The following DLGAP1 variants were observed in gnomAD, a reference collection of about 807,000 sequenced individuals.
DLGAP1 encodes disks large-associated protein 1.
DLGAP1 carries 11 observed loss-of-function variants against 90.8 expected under a neutral mutation model. The ratio of observed to expected loss-of-function variants is 0.12; its 90% CI spans 0.08 to 0.20. The LOEUF (loss-of-function observed/expected upper bound fraction) is 0.20, where lower values mean the gene tolerates loss of function less well. DLGAP1 is among the 10% of genes least tolerant of loss of function. The probability of loss-of-function intolerance (pLI) is 1.00; values close to 1 mark genes in which losing one functional copy is unlikely to be tolerated. For missense variants in DLGAP1, 1,050 were observed against 1,333.8 expected, an observed-to-expected ratio of 0.79 and a Z score of 3.31; for synonymous variants, 558 against 540.7, an observed-to-expected ratio of 1.03 and a Z score of -0.44.
chr18:4,136,333 A>G (rs2076401144), intron 2 of DLGAP1, among the ~76,000 whole-genome samples: 1 of 152,160 alleles, frequency 6.6e-6, no homozygotes, highest in Non-Finnish European at 1.5e-5. Context: ...TGTTCTCCAC[A>G]GTGGTTGTAC....
chr18:3,720,902 A>AAAAAAAAAAAAAAAAAAAAAAAAAAAG (rs2061956302), intron 7 of DLGAP1, among the ~76,000 whole-genome samples: 1 of 148,824 alleles, frequency 6.7e-6, no homozygotes. Flanking sequence ...AAAAAAAAAA[A>AAAAAAAAAAAAAAAAAAAAAAAAAAAG]AAAAAAATTA....
At chr18:4,340,626 A>C (rs566411534) in intron 1 of DLGAP1, among the ~76,000 whole-genome samples, 152 of 152,102 alleles carry the variant, frequency 1.0e-3, no homozygotes, top group Middle Eastern at 6.8e-3. Context: ...GAAAAAAAAA[A>C]CCCAAAAAAC....
intron 2 of DLGAP1, among the ~76,000 whole-genome samples, chr18:4,044,712 G>A (rs1363058402): frequency 6.6e-6 from 1 of 152,132 alleles, no homozygotes; most frequent in African/African-American, 2.4e-5. Flanking sequence ...CTGCATTCTA[G>A]CCTGGGCAAC....
intron 2 of DLGAP1, among the ~76,000 whole-genome samples, chr18:4,108,106 G>A (rs1014276462): frequency 3.3e-5 from 5 of 152,272 alleles, no homozygotes; most frequent in African/African-American, 1.2e-4. Context: ...CCTGAAGTGG[G>A]CCATAGAAGC....
chr18:3,821,763 C>A (rs144519288), intron 4 of DLGAP1: 2 of 335,254 alleles, frequency 6.0e-6, no homozygotes, highest in African/African-American at 2.2e-5. Flanking sequence ...AGCATCCCAA[C>A]AGCGTTTTAG....
intron 7 of DLGAP1, among the ~76,000 whole-genome samples, chr18:3,687,929 C>G (rs578126322): frequency 1.5e-5 from 2 of 129,480 alleles, no homozygotes; most frequent in African/African-American, 5.9e-5. Flanking sequence ...TTTTTTGAGA[C>G]AGGGTCTCGC....
chr18:4,169,487 C>T (rs2076988367), intron 1 of DLGAP1, among the ~76,000 whole-genome samples: 1 of 152,150 alleles, frequency 6.6e-6, no homozygotes, highest in Admixed American at 6.6e-5. Context: ...TAACAAAATA[C>T]ATATGGCAAA....
intron 5 of DLGAP1, among the ~76,000 whole-genome samples, chr18:3,778,542 T>C (rs2065036877): frequency 6.6e-6 from 1 of 152,020 alleles, no homozygotes; most frequent in East Asian, 1.9e-4. Context: ...GGTTTCTCAA[T>C]AGTGTGGGCT....
intron 1 of DLGAP1, among the ~76,000 whole-genome samples, chr18:4,269,566 G>C (rs1023377762): frequency 1.3e-5 from 2 of 151,842 alleles, no homozygotes; most frequent in African/African-American, 4.8e-5. Context: ...GTGTTAGCCA[G>C]GATGGTCTCG....
chr18:3,659,241 A>G (rs1313760540), intron 7 of DLGAP1, among the ~76,000 whole-genome samples: 1 of 152,176 alleles, frequency 6.6e-6, no homozygotes, highest in Non-Finnish European at 1.5e-5. Context: ...AAATGTTTTT[A>G]AAAATTTTGA....
At chr18:3,921,053 A>C (rs1050374406) in intron 3 of DLGAP1, among the ~76,000 whole-genome samples, 17 of 152,224 alleles carry the variant, frequency 1.1e-4, no homozygotes, top group African/African-American at 3.9e-4. Flanking sequence ...TTATTTTTCC[A>C]ACATAGTAAT....
chr18:3,593,674 G>A (rs1425890804), intron 7 of DLGAP1: 1 of 148,812 alleles, frequency 6.7e-6, no homozygotes, highest in Non-Finnish European at 1.5e-5. Flanking sequence ...GTAGTTGCTA[G>A]TATTCCAGAC....
chr18:3,643,499 T>TA (rs1316576338), intron 7 of DLGAP1, among the ~76,000 whole-genome samples: 1 of 151,734 alleles, frequency 6.6e-6, no homozygotes, highest in Non-Finnish European at 1.5e-5. Flanking sequence ...TCGTCTCTAC[T>TA]AAAAATACAA....
At chr18:4,417,494 T>C (rs1294652632) in intron 1 of DLGAP1, among the ~76,000 whole-genome samples, 3 of 152,142 alleles carry the variant, frequency 2.0e-5, no homozygotes, top group East Asian at 3.9e-4. Context: ...AGTGTAATGA[T>C]TTAGTAAAAA....
intron 2 of DLGAP1, among the ~76,000 whole-genome samples, chr18:4,058,413 C>T (rs936412599): frequency 9.9e-5 from 15 of 152,170 alleles, no homozygotes; most frequent in African/African-American, 3.6e-4. Flanking sequence ...TTATGATTTA[C>T]CATATACTTT....
chr18:4,063,334 A>T (rs1282780626), intron 2 of DLGAP1, among the ~76,000 whole-genome samples: 1 of 152,174 alleles, frequency 6.6e-6, no homozygotes, highest in Non-Finnish European at 1.5e-5. Context: ...TTGAGCTCAA[A>T]AGTCTGCAGA....
rs528790714 is a variant in DLGAP1, at chr18:3,870,032, T to G, written c.957+9080A>C. Among the ~76,000 whole-genome samples the G allele has an allele frequency of 6.9e-4, 105 of 152,234 alleles. 2 individuals carry two copies. In the South Asian group the frequency reaches 0.021, roughly 30 times the overall value. On this transcript the variant is annotated intron_variant, in intron 4 of 12. Transcript: ENST00000315677. ...AAAGCTTGCAGTCAGAGCGCCTGAATCCCATATTTTCATCTATTAGGCTCT... is the reference window on the plus strand; with the variant it reads ...AAAGCTTGCAGTCAGAGCGCCTGAAGCCCATATTTTCATCTATTAGGCTCT...
intron 2 of DLGAP1, among the ~76,000 whole-genome samples, chr18:4,038,978 C>A (rs2074932529): frequency 6.6e-6 from 1 of 152,062 alleles, no homozygotes; most frequent in African/African-American, 2.4e-5. Context: ...TGCATTCCAT[C>A]CCCTTCCTTC....
intron 10 of DLGAP1, among the ~76,000 whole-genome samples, chr18:3,524,740 T>A (rs2051491339): frequency 1.3e-5 from 2 of 152,098 alleles, no homozygotes; most frequent in African/African-American, 4.8e-5. Flanking sequence ...ATGAAAGTCA[T>A]GTGGATTTGT....
Sources: allele counts gnomAD v4.1 joint callset (sites outside exome capture counted in the v4.1 genomes callset), GRCh38; gene constraint gnomAD v4.1.1; transcripts MANE v1.5; gene names NCBI Gene and HGNC (gene_info 2026-07-23, HGNC 2026-07-21).